The following SPART variants were observed in gnomAD, a reference collection of about 807,000 sequenced individuals.
SPART encodes spastic paraplegia 20 (Troyer syndrome).
Under a neutral mutation model 58.7 loss-of-function variants are expected in SPART, and 35 were observed. The observed-to-expected ratio is 0.60, with a 90% CI of 0.46 to 0.79. SPART has a LOEUF of 0.79. Ranked by LOEUF, SPART falls within the 30% of genes least tolerant of loss-of-function variation. The probability of loss-of-function intolerance (pLI) is 0.00; values close to 1 mark genes in which losing one functional copy is unlikely to be tolerated. For missense variants in SPART, 730 were observed against 786.1 expected (o/e 0.93, Z 0.85); for synonymous variants, 284 against 280.7 (o/e 1.01, Z -0.12).
chr13:36,364,009 G>A (rs989484259), intron 1 of SPART, among the ~76,000 whole-genome samples: 1 of 151,858 alleles, frequency 6.6e-6, no homozygotes, highest in Non-Finnish European at 1.5e-5. Context: ...GCTGGGGGAC[G>A]GTATGCAGTA....
intron 1 of SPART, among the ~76,000 whole-genome samples, chr13:36,352,679 C>G (rs1885463507): frequency 1.3e-5 from 2 of 151,908 alleles, no homozygotes. Flanking sequence ...GGTGTGGTAG[C>G]CTCACACCTA....
At chr13:36,325,543 T>A (rs1262083768) in intron 5 of SPART, among the ~76,000 whole-genome samples, 1 of 152,184 alleles carries the variant, frequency 6.6e-6, no homozygotes, top group African/African-American at 2.4e-5. Context: ...AAGACCCATT[T>A]AATGGGGTTA....
Position 36,312,998 on chromosome 13 carries a change from A to C in SPART, c.1484-521T>G, listed in dbSNP as rs1225682883. Among the ~76,000 whole-genome samples the C allele has an allele frequency of 3.3e-5, 5 of 152,086 alleles. No homozygotes were observed. The East Asian group carries it at 9.7e-4, about 29-fold the overall frequency. On this transcript the variant is annotated intron_variant, in intron 6 of 8. Transcript: ENST00000438666. ...GTAAACAATCTAAAATCTGATTCAA[A>C]AAATACTAAATACCAAAAAAGATAA...
intron 6 of SPART, 93 bp downstream of exon 6, chr13:36,314,134 T>C: frequency 7.9e-7 from 1 of 1,272,358 alleles, no homozygotes; most frequent in African/African-American, 1.5e-5. Flanking sequence ...TTCTTGAGAT[T>C]AAACCATCTA....
chr13:36,318,251 C>A (rs61952473), intron 5 of SPART, among the ~76,000 whole-genome samples: 4 of 152,146 alleles, frequency 2.6e-5, no homozygotes, highest in Non-Finnish European at 5.9e-5. Flanking sequence ...TAGCCCTCCC[C>A]CTCCTGCCCA....
At chr13:36,344,174 C>G (rs183825657) in intron 1 of SPART, among the ~76,000 whole-genome samples, 1 of 152,194 alleles carries the variant, frequency 6.6e-6, no homozygotes, top group Non-Finnish European at 1.5e-5. Flanking sequence ...CCCAGAGTGT[C>G]CCGTCGTAGA....
intron 1 of SPART, among the ~76,000 whole-genome samples, chr13:36,339,168 G>A (rs780604970): frequency 1.3e-5 from 2 of 151,832 alleles, no homozygotes; most frequent in African/African-American, 2.4e-5. Context: ...AGTGGGATGC[G>A]TGCATACTGA....
intron 1 of SPART, among the ~76,000 whole-genome samples, chr13:36,352,625 A>G (rs1405034150): frequency 6.6e-6 from 1 of 152,088 alleles, no homozygotes; most frequent in Non-Finnish European, 1.5e-5. Context: ...GATTTGCACA[A>G]GTGGAGTAGG....
At chr13:36,348,547 A>T (rs1366570059), upstream of SPART, among the ~76,000 whole-genome samples, 1 of 152,192 alleles carries the variant, frequency 6.6e-6, no homozygotes, top group African/African-American at 2.4e-5. Flanking sequence ...AGAAATCAAT[A>T]GTATTTCTAT....
intron 5 of SPART, among the ~76,000 whole-genome samples, chr13:36,321,908 C>T (rs1882444130): frequency 6.6e-6 from 1 of 152,110 alleles, no homozygotes; most frequent in African/African-American, 2.4e-5. Context: ...CGGTCCTTGC[C>T]TTAAGTGATG....
chr13:36,311,744 G>A (rs913397172), intron 8 of SPART, among the ~76,000 whole-genome samples: 1 of 152,126 alleles, frequency 6.6e-6, no homozygotes, highest in Admixed American at 6.5e-5. Context: ...TATTTTATCA[G>A]ATACTTAATA....
chr13:36,348,341 C>T (rs1885272448), upstream of SPART, among the ~76,000 whole-genome samples: 1 of 152,208 alleles, frequency 6.6e-6, no homozygotes, highest in Non-Finnish European at 1.5e-5. Context: ...TACTCTACTT[C>T]TTTACATTTA....
At chr13:36,355,350 T>C (rs1429892624) in intron 1 of SPART, among the ~76,000 whole-genome samples, 1 of 152,122 alleles carries the variant, frequency 6.6e-6, no homozygotes, top group African/African-American at 2.4e-5. Flanking sequence ...TTGTATTAAG[T>C]TATCATGGCA....
chr13:36,361,829 G>A (rs1206166016), intron 1 of SPART, among the ~76,000 whole-genome samples: 1 of 152,138 alleles, frequency 6.6e-6, no homozygotes, highest in East Asian at 1.9e-4. Flanking sequence ...AGCTATTACT[G>A]ATGACTATTG....
At chr13:36,327,785 C>A (rs1187304667) in intron 4 of SPART, among the ~76,000 whole-genome samples, 2 of 152,056 alleles carry the variant, frequency 1.3e-5, no homozygotes, top group East Asian at 3.9e-4. Flanking sequence ...GTCAGGAGTT[C>A]GAGATTAGCC....
intron 5 of SPART, among the ~76,000 whole-genome samples, chr13:36,322,180 G>A (rs962289990): frequency 1.1e-4 from 16 of 152,262 alleles, no homozygotes; most frequent in African/African-American, 3.6e-4. Context: ...CTCTTCACAC[G>A]GACGTGCATG....
intron 1 of SPART, among the ~76,000 whole-genome samples, chr13:36,357,139 G>A (rs994658615): frequency 2.0e-5 from 3 of 152,140 alleles, no homozygotes; most frequent in African/African-American, 7.2e-5. Context: ...AACCCTCCTT[G>A]GAGTGAGGCA....
intron 5 of SPART, among the ~76,000 whole-genome samples, chr13:36,324,170 C>A (rs1882683072): frequency 6.6e-6 from 1 of 152,172 alleles, no homozygotes. Context: ...GAAGTGGGGT[C>A]TATGTCACAT....
At chr13:36,354,773 A>G (rs1015985010) in intron 1 of SPART, among the ~76,000 whole-genome samples, 2 of 152,252 alleles carry the variant, frequency 1.3e-5, no homozygotes, top group Non-Finnish European at 2.9e-5. Flanking sequence ...AATTCTGAGC[A>G]TGGTCTTGGA....
Sources: gnomAD v4.1 joint callset for allele counts (sites outside exome capture counted in the v4.1 genomes callset) on GRCh38, gnomAD v4.1.1 for gene constraint, MANE v1.5 for transcripts, NCBI Gene and HGNC (gene_info 2026-07-23, HGNC 2026-07-21) for gene names.